The following CTNNBIP1 variants were observed in gnomAD, a reference collection of about 807,000 sequenced individuals.
The protein encoded by CTNNBIP1 is beta-catenin-interacting protein 1.
Under a neutral mutation model 11.8 loss-of-function variants are expected in CTNNBIP1, and 7 were observed. That is an observed-to-expected ratio of 0.60 (90% CI 0.34 to 1.12). The LOEUF (loss-of-function observed/expected upper bound fraction) is 1.12, where lower values mean the gene tolerates loss of function less well. CTNNBIP1 is among the 50% of genes most tolerant of loss of function. The pLI is 0.03. For synonymous variants in CTNNBIP1, 58 were observed against 43.9 expected (o/e 1.32, Z -1.26); for missense variants, 101 against 113.4 (o/e 0.89, Z 0.50).
intron 5 of CTNNBIP1, among the ~76,000 whole-genome samples, chr1:9,863,306 G>A (rs1638671397): frequency 1.3e-5 from 2 of 152,192 alleles, no homozygotes; most frequent in African/African-American, 4.8e-5. Context: ...TAGGTTACAG[G>A]TAATTCTCAT....
At position 9,897,281 on chromosome 1, in the gene CTNNBIP1, C is replaced by T. The variant is rs1296262228; in HGVS notation, c.-144+12814G>A. ...CATCCTGGCTAACATGGTGAAACCCCGTCTCTACTAAAAATACAAAAAATT... is the reference window on the plus strand; with the variant it reads ...CATCCTGGCTAACATGGTGAAACCCTGTCTCTACTAAAAATACAAAAAATT... On this transcript the variant is annotated intron_variant, in intron 1 of 5. Transcript: ENST00000377263. 4.6e-5 allele frequency among the ~76,000 whole-genome samples: 7 copies of T among 151,598 alleles called. No individual in the cohort carries two copies. In the South Asian group the frequency reaches 8.3e-4, roughly 18 times the overall value.
chr1:9,909,145 C>A (rs1171635000), intron 1 of CTNNBIP1, among the ~76,000 whole-genome samples: 1 of 152,226 alleles, frequency 6.6e-6, no homozygotes, highest in Non-Finnish European at 1.5e-5. Context: ...GCGAACAGAA[C>A]TTCAAGACAA....
At position 9,888,873 on chromosome 1, in the gene CTNNBIP1, C is replaced by T. The variant is rs563402131; in HGVS notation, c.-143-5135G>A. Among the ~76,000 whole-genome samples, 5 of 152,332 alleles carry T rather than the reference C, an allele frequency of 3.3e-5. No homozygotes were observed. In the East Asian group the frequency reaches 5.8e-4, roughly 18 times the overall value. ...CAGAGCTCTCTGATGAAGGCCCTTT[C>T]GGAAGGTTCTGGGAGCATTTAAATC... On this transcript the variant is annotated intron_variant, in intron 1 of 5. Transcript: ENST00000377263.
chr1:9,856,261 T>A (rs898618957), intron 5 of CTNNBIP1, among the ~76,000 whole-genome samples: 3 of 152,096 alleles, frequency 2.0e-5, no homozygotes, highest in Non-Finnish European at 4.4e-5. Flanking sequence ...TCCTCTTGCC[T>A]CTGCCATGTA....
At chr1:9,868,221 C>A (rs961438253) in intron 5 of CTNNBIP1, among the ~76,000 whole-genome samples, 3 of 152,178 alleles carry the variant, frequency 2.0e-5, no homozygotes, top group African/African-American at 7.2e-5. Flanking sequence ...TGACTCCCAC[C>A]ACCTATTCCG....
intron 1 of CTNNBIP1, among the ~76,000 whole-genome samples, chr1:9,892,021 G>C (rs1639312054): frequency 6.6e-6 from 1 of 152,024 alleles, no homozygotes; most frequent in East Asian, 1.9e-4. Context: ...GGCCAGGCTG[G>C]TCTCAAAATC....
chr1:9,909,359 C>A (rs751020276), intron 1 of CTNNBIP1, among the ~76,000 whole-genome samples: 5 of 152,200 alleles, frequency 3.3e-5, no homozygotes, highest in Non-Finnish European at 5.9e-5. Context: ...GCCAACACGG[C>A]CCCCGCCGCC....
intron 1 of CTNNBIP1, among the ~76,000 whole-genome samples, chr1:9,897,936 G>T (rs901576237): frequency 6.6e-6 from 1 of 150,750 alleles, no homozygotes; most frequent in Admixed American, 6.6e-5. Flanking sequence ...CTGGCCAATA[G>T]GGCGAAACCC....
At chr1:9,852,594 A>C (rs1249516488) in intron 5 of CTNNBIP1, among the ~76,000 whole-genome samples, 1 of 152,172 alleles carries the variant, frequency 6.6e-6, no homozygotes, top group East Asian at 1.9e-4. Flanking sequence ...GCAACCACAG[A>C]ATCCAAGATT....
chr1:9,886,290 G>A (rs953144144), intron 1 of CTNNBIP1, among the ~76,000 whole-genome samples: 6 of 152,134 alleles, frequency 3.9e-5, no homozygotes, highest in African/African-American at 1.2e-4. Context: ...GACTGGGTGC[G>A]TTTCTGCTGG....
chr1:9,887,109 A>G (rs1316006214), intron 1 of CTNNBIP1, among the ~76,000 whole-genome samples: 1 of 152,044 alleles, frequency 6.6e-6, no homozygotes, highest in Admixed American at 6.6e-5. Context: ...CCCAATTCAA[A>G]CCTGATGCAA....
intron 3 of CTNNBIP1, among the ~76,000 whole-genome samples, chr1:9,877,481 G>A (rs757235791): frequency 6.6e-6 from 1 of 152,204 alleles, no homozygotes; most frequent in Non-Finnish European, 1.5e-5. Flanking sequence ...CGAGGCCAGG[G>A]AGCAAAGCTG....
In CTNNBIP1 at chr1:9,867,265, G is replaced by A. The variant is rs1638765718; in HGVS notation, c.187+3922C>T. Among the ~76,000 whole-genome samples the A allele has an allele frequency of 6.6e-6, 1 of 152,030 alleles. No homozygotes were observed. Among genetic ancestry groups the A allele is most frequent in the Admixed American group, 6.5e-5 (1 of 15,288 alleles). The stretch of plus-strand genomic sequence containing the variant: ...AGGCCAGGCAGGCTGGGAACTGGGG[G>A]GCCACTGGGGCCTCTGCTGGAACCA... On this transcript the variant is annotated intron_variant, in intron 5 of 5. Transcript: ENST00000377263. This position sits in a 1 kb window ranked among gnomAD's most constrained non-coding sequence, Gnocchi z 4.6.
rs149958509 is a variant in CTNNBIP1 at position 9,878,762 on chromosome 1, G to A, written c.-109-773C>T. On this transcript the variant is annotated intron_variant, in intron 2 of 5. Coordinates refer to ENST00000377263, the MANE Select transcript of CTNNBIP1 (RefSeq NM_020248.3). The stretch of plus-strand genomic sequence containing the variant: ...GGGGCGCTGGGAGCCTTGCCCACCC[G>A]CTCCAGCTGCACCACCTGCTCTGCT... Among the ~76,000 whole-genome samples, 1,325 of 152,246 alleles carry A rather than the reference G, an allele frequency of 8.7e-3. 20 individuals are homozygous for A. Among genetic ancestry groups the A allele is most frequent in the African/African-American group, 0.029 (1,212 of 41,544 alleles).
At chr1:9,882,449 TGGA>T (rs751122393) in intron 2 of CTNNBIP1, among the ~76,000 whole-genome samples, 18 of 151,942 alleles carry the variant, frequency 1.2e-4, no homozygotes, top group African/African-American at 2.4e-4. Context: ...GCTGGGAGCC[TGGA>T]GGAGAAGGAG....
At chr1:9,894,942 C>G (rs1639380587) in intron 1 of CTNNBIP1, among the ~76,000 whole-genome samples, 2 of 141,240 alleles carry the variant, frequency 1.4e-5, no homozygotes, top group African/African-American at 2.8e-5. Context: ...GAGTCTCACT[C>G]TGTCCCTCAG....
intron 5 of CTNNBIP1, among the ~76,000 whole-genome samples, chr1:9,861,882 G>C (rs1382232226): frequency 2.0e-5 from 3 of 152,202 alleles, no homozygotes; most frequent in Admixed American, 6.5e-5. Flanking sequence ...TCTGTACAAC[G>C]TGATGAATCT....
Position 9,850,600 on chromosome 1 carries a change from G to T in CTNNBIP1, c.*118C>A. ...TGTGAGGTGGGGTGGGGCAGGGCAG[G>T]GTTGGGTAGGGGAAGGGGGAGGTGG... is the stretch of plus-strand genomic sequence containing the variant. On this transcript the variant is annotated 3_prime_UTR_variant, in exon 6 of 6. Coordinates refer to ENST00000377263, the MANE Select transcript of CTNNBIP1 (RefSeq NM_020248.3). 1 of 872,938 alleles carries T rather than the reference G, an allele frequency of 1.1e-6. No homozygotes were observed. Among genetic ancestry groups the T allele is most frequent in the Non-Finnish European group, 1.9e-6 (1 of 519,498 alleles). 54.1% of individuals were successfully genotyped at this position (872,938 alleles called of 1,614,324 possible).
intron 1 of CTNNBIP1, among the ~76,000 whole-genome samples, chr1:9,886,915 CTTAA>C (rs1049283607): frequency 1.4e-4 from 21 of 152,308 alleles, no homozygotes; most frequent in African/African-American, 5.1e-4. Context: ...GAGCAACCGC[CTTAA>C]TTAATATATT....
Sources: gnomAD v4.1 joint callset for allele counts (sites outside exome capture counted in the v4.1 genomes callset) on GRCh38, gnomAD v4.1.1 for gene constraint, Gnocchi (gnomAD v3.1) non-coding constraint, MANE v1.5 for transcripts, NCBI Gene and HGNC (gene_info 2026-07-23, HGNC 2026-07-21) for gene names.